INTS3: variants seen among roughly 807,000 people sequenced by gnomAD.
INTS3 encodes the protein integrator complex subunit 3.
A neutral mutation model predicts 146.3 loss-of-function variants in INTS3; 34 were observed. The ratio of observed to expected loss-of-function variants is 0.23; its 90% CI spans 0.18 to 0.31. The LOEUF (loss-of-function observed/expected upper bound fraction) is 0.31, where lower values mean the gene tolerates loss of function less well. INTS3 is among the 10% of genes least tolerant of loss of function. The pLI, the probability that INTS3 is intolerant of heterozygous loss-of-function variation, is 1.00. For synonymous variants in INTS3, 475 were observed against 494.9 expected (o/e 0.96, Z 0.53); for missense variants, 757 against 1,304.2 (o/e 0.58, Z 6.46).
At chr1:153,747,545 G>A in intron 5 of INTS3, 182 bp downstream of exon 5, 3 of 617,908 alleles carry the variant, frequency 4.9e-6, no homozygotes, top group Non-Finnish European at 8.7e-6. Flanking sequence ...AAAATCATGG[G>A]GGGCCTTTTA....
At chr1:153,756,584 G>A (rs1379571077) in intron 9 of INTS3, among the ~76,000 whole-genome samples, 1 of 152,104 alleles carries the variant, frequency 6.6e-6, no homozygotes. Context: ...GGGAGGCCAA[G>A]GCGGGTGGAT....
rs1295421287 is a variant in INTS3, at chr1:153,754,626, T to G, written c.860-16T>G. 1 of 1,558,854 alleles carries G rather than the reference T, an allele frequency of 6.4e-7. No individual in the cohort carries two copies. The highest frequency in any genetic ancestry group is 8.9e-7 in the Non-Finnish European group (1 of 1,129,774). On this transcript the variant is annotated splice_polypyrimidine_tract_variant and intron_variant, in intron 8 of 29. Transcript: ENST00000318967. ...TTAGGCTTCCTCTTTTCTCTTCCCT[T>G]CCACATTTGATTCAGGTATCCTACA...
chr1:153,760,733 CT>C, intron 12 of INTS3, 93 bp from the exon 13 acceptor site: 1 of 1,023,056 alleles, frequency 9.8e-7, no homozygotes, highest in South Asian at 1.3e-5. Flanking sequence ...CCAGTGTCCC[CT>C]GATCAAAACC....
At chr1:153,728,931 T>A in intron 1 of INTS3, 147 bp downstream of exon 1, 1 of 590,328 alleles carries the variant, frequency 1.7e-6, no homozygotes, top group Non-Finnish European at 2.9e-6. Flanking sequence ...TCCAGCTTCC[T>A]GCTCCTGAGG....
At chr1:153,731,558 T>C (rs4845568) in intron 1 of INTS3, among the ~76,000 whole-genome samples, 140,472 of 148,106 alleles carry the variant, frequency 0.95, 66,636 homozygotes, top group East Asian at 1. Flanking sequence ...AGGCTGAAAG[T>C]GGGAGGCCCA....
intron 25 of INTS3, 140 bp downstream of exon 25, chr1:153,770,873 C>T (rs563998150): frequency 3.3e-4 from 235 of 710,364 alleles, no homozygotes; most frequent in South Asian, 7.0e-4. Context: ...CTTCCCCCAA[C>T]GTGACTTACA....
At chr1:153,770,375 C>A in intron 24 of INTS3, 64 bp downstream of exon 24, 1 of 1,030,266 alleles carries the variant, frequency 9.7e-7, no homozygotes, top group Non-Finnish European at 1.5e-6. Context: ...TAGGGCAAGG[C>A]TGAGGCCTCT....
rs372038118 is a variant in INTS3, at chr1:153,741,464, G to A, written c.318+96G>A. The A allele has an allele frequency of 1.5e-5, 13 of 895,656 alleles. No individual in the cohort carries two copies. The East Asian group carries it at 1.7e-4, about 12-fold the overall frequency. 55.5% of individuals were successfully genotyped at this position (895,656 alleles called of 1,614,324 possible). A position where few individuals can be genotyped will look rare whatever the true frequency, so the allele number is the denominator to read the frequency against. ...TAACTGGGGTAGTATGAAACTCTTC[G>A]ACCAGAGCTGGATCACCTTGTTCTC... On this transcript the variant is annotated intron_variant, in intron 3 of 29. Coordinates refer to ENST00000318967, the MANE Select transcript of INTS3 (RefSeq NM_023015.5).
chr1:153,742,874 A>G (rs1270878652), intron 3 of INTS3, among the ~76,000 whole-genome samples: 2 of 152,224 alleles, frequency 1.3e-5, no homozygotes, highest in Non-Finnish European at 2.9e-5. Context: ...CTCGGGTCTC[A>G]TAGCTGGTTG....
Position 153,762,798 on chromosome 1 carries a change from C to G in INTS3, c.1587C>G (p.Asp529Glu). ...HMSDKDESCY[D>E]NAEAAFSDDE... ...CGGATAAGGATGAGAGTTGCTATGACAATGCAGAGGCAGCCTTCAGTGACG... is the reference window on the plus strand; with the variant it reads ...CGGATAAGGATGAGAGTTGCTATGAGAATGCAGAGGCAGCCTTCAGTGACG... Residue 529 changes from aspartate to glutamate, a missense_variant, in exon 15 of 30, where the codon GAC becomes GAG. Transcript: ENST00000318967. The G allele has an allele frequency of 3.7e-6, 6 of 1,614,144 alleles. No homozygotes were observed. Among genetic ancestry groups the G allele is most frequent in the Non-Finnish European group, 5.1e-6 (6 of 1,180,030 alleles).
chr1:153,761,142 C>G, intron 13 of INTS3: 1 of 1,194,644 alleles, frequency 8.4e-7, no homozygotes, highest in Non-Finnish European at 1.1e-6. Flanking sequence ...CCTGTTGACC[C>G]CCTTCAGGGA....
chr1:153,772,026 TG>T lies in INTS3; in HGVS notation c.2720+65del, dbSNP rs1461770116. ...GGTCTGCAGTGATTGCTGTCGGTGG[TG>T]GTGGTGGTGGTGGTGGTGGTGGTGA... On this transcript the variant is annotated intron_variant, in intron 26 of 29. Coordinates refer to ENST00000318967, the MANE Select transcript of INTS3 (RefSeq NM_023015.5). This position sits in a 1 kb window ranked among gnomAD's most constrained non-coding sequence, Gnocchi z 4.6. The T allele has an allele frequency of 8.0e-6, 10 of 1,245,388 alleles. No homozygotes were observed. In the African/African-American group the frequency reaches 1.6e-4, roughly 20 times the overall value. The allele number at this position is 1,245,388 out of a possible 1,614,324, so 77.1% of individuals were successfully genotyped here. A position where few individuals can be genotyped will look rare whatever the true frequency, so the allele number is the denominator to read the frequency against.
intron 3 of INTS3, among the ~76,000 whole-genome samples, chr1:153,743,605 CCTT>C (rs34936163): frequency 0.4 from 60,076 of 151,696 alleles, 12,564 homozygotes; most frequent in East Asian, 0.53. Flanking sequence ...CTCACTTGTA[CCTT>C]CTTGATTTGC....
At chr1:153,747,509 A>G in intron 5 of INTS3, 146 bp downstream of exon 5, 1 of 667,762 alleles carries the variant, frequency 1.5e-6, no homozygotes, top group South Asian at 1.7e-5. Flanking sequence ...TTCTGGCCAC[A>G]TATGTTGTAG....
chr1:153,759,473 G>A (rs761409236), intron 10 of INTS3, 53 bp from the exon 11 acceptor site: 12 of 1,190,242 alleles, frequency 1.0e-5, no homozygotes, highest in Non-Finnish European at 1.5e-5. Context: ...ACTCTGAAAT[G>A]GAGGGGGGTG....
chr1:153,741,743 G>A (rs1232136435), intron 3 of INTS3, among the ~76,000 whole-genome samples: 5 of 152,232 alleles, frequency 3.3e-5, no homozygotes, highest in Admixed American at 6.5e-5. Context: ...TTCTGCCATT[G>A]GCAGGTGAAT....
Position 153,772,752 on chromosome 1 carries a change from G to GAA in INTS3, c.2894+44_2894+45dup. 1 of 1,607,248 alleles carries GAA rather than the reference G, an allele frequency of 6.2e-7. No homozygotes were observed. The highest frequency in any genetic ancestry group is 8.5e-7 in the Non-Finnish European group (1 of 1,176,486). ...CTTTGGGCCTTGGAAAGTAGTAGGG[G>GAA]AAAAGCCTAAGGGAGAGGAAGCCTG... On this transcript the variant is annotated intron_variant, in intron 28 of 29. Transcript: ENST00000318967. This position sits in a 1 kb window ranked among gnomAD's most constrained non-coding sequence, Gnocchi z 4.6.
intron 3 of INTS3, among the ~76,000 whole-genome samples, chr1:153,746,660 C>A (rs989095646): frequency 6.6e-6 from 1 of 151,672 alleles, no homozygotes; most frequent in Non-Finnish European, 1.5e-5. Context: ...CTTGGCCTCC[C>A]AAAGTGCTGG....
In INTS3 at chr1:153,772,530, C is replaced by T; in HGVS notation, c.2821+90C>T. The T allele has an allele frequency of 6.2e-7, 1 of 1,611,504 alleles. No individual in the cohort carries two copies. Among genetic ancestry groups the T allele is most frequent in the African/African-American group, 1.3e-5 (1 of 74,970 alleles). On this transcript the variant is annotated intron_variant, in intron 27 of 29. Coordinates refer to ENST00000318967, the MANE Select transcript of INTS3 (RefSeq NM_023015.5). The surrounding 1 kb of genome is among the most constrained non-coding windows in gnomAD (Gnocchi z 4.6). ...CCAGGCTGGGGGCAGGGGCAGGACA[C>T]CCGGGGCCACAACCCACACTCGGGA...
Sources: allele counts gnomAD v4.1 joint callset (sites outside exome capture counted in the v4.1 genomes callset), GRCh38; gene constraint gnomAD v4.1.1; non-coding constraint Gnocchi (gnomAD v3.1); transcripts MANE v1.5; gene names NCBI Gene and HGNC (gene_info 2026-07-23, HGNC 2026-07-21).